The following PIWIL2 variants were observed in gnomAD, a reference collection of about 807,000 sequenced individuals.
PIWIL2 encodes the protein piwi-like protein 2.
In PIWIL2, 81 loss-of-function variants were observed where a neutral mutation model predicts 116.5. That is an observed-to-expected ratio of 0.70 (90% CI 0.58 to 0.84). The LOEUF (loss-of-function observed/expected upper bound fraction) is 0.84. Ranked by LOEUF, PIWIL2 falls within the 40% of genes least tolerant of loss-of-function variation. PIWIL2 has a pLI of 0.00. For synonymous variants in PIWIL2, 489 were observed against 429.5 expected (o/e 1.14, Z -1.71); for missense variants, 1,272 against 1,212.3 (o/e 1.05, Z -0.73).
chr8:22,326,277 T>A (rs1831722542), intron 20 of PIWIL2, among the ~76,000 whole-genome samples: 1 of 151,870 alleles, frequency 6.6e-6, no homozygotes, highest in African/African-American at 2.4e-5. Flanking sequence ...TCCCAGCACT[T>A]TGGGAGGCCA....
Position 22,304,098 on chromosome 8 carries a change from C to T in PIWIL2, c.1259C>T (p.Thr420Ile). The T allele has an allele frequency of 6.2e-7, 1 of 1,612,064 alleles. No homozygotes were observed. The highest frequency in any genetic ancestry group is 8.5e-7 in the Non-Finnish European group (1 of 1,178,174). Residue 420 changes from threonine to isoleucine, a missense_variant, in exon 11 of 23, where the codon ACC becomes ATC. Transcript: ENST00000356766. ...CTTCTGGTTGGCAATATTGTTATCA[C>T]CCGATATAACAATCGTACCTATCGT... ...TKLLVGNIVI[T>I]RYNNRTYRID...
At chr8:22,345,878 T>C (rs1167887473) in intron 20 of PIWIL2, among the ~76,000 whole-genome samples, 1 of 152,146 alleles carries the variant, frequency 6.6e-6, no homozygotes, top group Non-Finnish European at 1.5e-5. Flanking sequence ...TCTAGTATAG[T>C]CCAACCCATG....
rs1832466712 is a variant in PIWIL2 at position 22,355,407 on chromosome 8, G to A, written c.2824G>A (p.Ala942Thr). 6.2e-7 allele frequency: 1 copy of A among 1,614,146 alleles called. No individual in the cohort carries two copies. The highest frequency in any genetic ancestry group is 1.7e-5 in the Admixed American group (1 of 60,024). ...WNWPGTIRVP[A>T]PCKYAHKLAF... is the part of the protein sequence containing the mutation. ...TTGGCCTGGCACCATCAGAGTTCCA[G>A]CTCCTTGCAAGTATGCCCACAAGCT... is the stretch of plus-strand genomic sequence containing the variant. Residue 942 changes from alanine (A) to threonine (T), a missense_variant, in exon 23 of 23, where the codon GCT (alanine) becomes ACT (threonine). Transcript: ENST00000356766.
At chr8:22,302,791 G>C (rs1400791096) in intron 10 of PIWIL2, among the ~76,000 whole-genome samples, 1 of 152,178 alleles carries the variant, frequency 6.6e-6, no homozygotes, top group Non-Finnish European at 1.5e-5. Flanking sequence ...ACTCTCAGCT[G>C]AGATTTCTTG....
intron 10 of PIWIL2, among the ~76,000 whole-genome samples, chr8:22,294,900 G>GGAAAAAAAAAAAAA (rs1830858601): frequency 1.1e-5 from 1 of 93,650 alleles, no homozygotes; most frequent in East Asian, 2.8e-4. Context: ...ATCTTTACTG[G>GGAAAAAAAAAAAAA]AAAAAAAAAA....
intron 20 of PIWIL2, among the ~76,000 whole-genome samples, chr8:22,342,765 C>T (rs999576666): frequency 2.6e-5 from 4 of 151,680 alleles, no homozygotes; most frequent in South Asian, 2.1e-4. Flanking sequence ...AATTTTTCAT[C>T]GAAAATTCAT....
chr8:22,290,179 G>A, intron 9 of PIWIL2, 54 bp from the exon 10 acceptor site: 5 of 1,046,534 alleles, frequency 4.8e-6, no homozygotes, highest in Non-Finnish European at 5.9e-6. Context: ...ATGGGGGCAT[G>A]GAAGTATATG....
chr8:22,289,795 C>G, intron 8 of PIWIL2, 52 bp from the exon 9 acceptor site: 1 of 1,084,784 alleles, frequency 9.2e-7, no homozygotes, highest in South Asian at 1.3e-5. Context: ...AATAATGGAA[C>G]ATAATTTTAT....
At chr8:22,337,218 G>A (rs1274010024) in intron 20 of PIWIL2, among the ~76,000 whole-genome samples, 2 of 151,904 alleles carry the variant, frequency 1.3e-5, no homozygotes, top group Admixed American at 6.6e-5. Context: ...TGGAAAAGAA[G>A]TAGAACAATG....
chr8:22,287,879 A>G (rs1187519797), intron 7 of PIWIL2, among the ~76,000 whole-genome samples: 1 of 152,198 alleles, frequency 6.6e-6, no homozygotes, highest in Non-Finnish European at 1.5e-5. Flanking sequence ...TTCTGTTCAT[A>G]GAGGGGAAGA....
At chr8:22,325,481 CTTTTTTT>C (rs749493740) in intron 20 of PIWIL2, among the ~76,000 whole-genome samples, 1 of 95,038 alleles carries the variant, frequency 1.1e-5, no homozygotes, top group African/African-American at 3.9e-5. Flanking sequence ...TTGATTTAGT[CTTTTTTT>C]TTTTTTTTTT....
Sources: allele counts gnomAD v4.1 joint callset (sites outside exome capture counted in the v4.1 genomes callset), GRCh38; gene constraint gnomAD v4.1.1; transcripts MANE v1.5; gene names NCBI Gene and HGNC (gene_info 2026-07-23, HGNC 2026-07-21).